The following TMEM38B variants were observed in gnomAD, a reference collection of about 807,000 sequenced individuals.
The protein encoded by TMEM38B is transmembrane protein 38B, also known as trimeric intracellular cation channel type B.
Under a neutral mutation model 28.7 loss-of-function variants are expected in TMEM38B, and 24 were observed. The observed-to-expected ratio is 0.84, with a 90% CI of 0.61 to 1.18. TMEM38B has a LOEUF of 1.18. TMEM38B is among the 50% of genes most tolerant of loss of function. The pLI, the probability that TMEM38B is intolerant of heterozygous loss-of-function variation, is 0.00. For synonymous variants in TMEM38B, 131 were observed against 127.7 expected (o/e 1.03, Z -0.17); for missense variants, 380 against 350.9 (o/e 1.08, Z -0.66).
At chr9:105,732,173 A>T (rs1836775818) in intron 4 of TMEM38B, among the ~76,000 whole-genome samples, 1 of 151,970 alleles carries the variant, frequency 6.6e-6, no homozygotes, top group Non-Finnish European at 1.5e-5. Flanking sequence ...TTTTCTTGTA[A>T]ATTTGTTTAA....
chr9:105,742,553 G>A (rs765919717), intron 4 of TMEM38B, among the ~76,000 whole-genome samples: 5 of 152,168 alleles, frequency 3.3e-5, no homozygotes, highest in Admixed American at 6.5e-5. Context: ...GTAAGCATAA[G>A]AATTTTCTAA....
intron 5 of TMEM38B, among the ~76,000 whole-genome samples, chr9:105,767,152 T>C (rs932139954): frequency 6.6e-6 from 1 of 152,008 alleles, no homozygotes; most frequent in African/African-American, 2.4e-5. Context: ...GGTTTTTTTT[T>C]TTTCCTCCAT....
intron 4 of TMEM38B, among the ~76,000 whole-genome samples, chr9:105,722,959 G>A (rs866379769): frequency 1.3e-5 from 2 of 152,036 alleles, no homozygotes; most frequent in African/African-American, 2.4e-5. Flanking sequence ...AAAATGAATC[G>A]GTGATAGGCT....
At chr9:105,722,321 C>T (rs1836346583) in intron 3 of TMEM38B, among the ~76,000 whole-genome samples, 1 of 151,998 alleles carries the variant, frequency 6.6e-6, no homozygotes, top group African/African-American at 2.4e-5. Flanking sequence ...TGCCCGAGGC[C>T]CCAGTTTTAA....
At chr9:105,717,456 ACT>A (rs895094641) in intron 2 of TMEM38B, among the ~76,000 whole-genome samples, 117 of 152,296 alleles carry the variant, frequency 7.7e-4, no homozygotes, top group African/African-American at 2.6e-3. Context: ...ACTGGGAACA[ACT>A]CTCTGTCAGC....
At chr9:105,699,510 T>C (rs1182045340) in intron 1 of TMEM38B, among the ~76,000 whole-genome samples, 5 of 152,214 alleles carry the variant, frequency 3.3e-5, no homozygotes, top group African/African-American at 9.6e-5. Flanking sequence ...TCTTTTGTAC[T>C]GTCTGCCTAG....
intron 4 of TMEM38B, among the ~76,000 whole-genome samples, chr9:105,737,526 G>A (rs1837030378): frequency 6.6e-6 from 1 of 152,154 alleles, no homozygotes; most frequent in Admixed American, 6.5e-5. Flanking sequence ...GGGCCCTGGA[G>A]GGCAAGCAGT....
chr9:105,738,607 T>C (rs1279826409), intron 4 of TMEM38B, among the ~76,000 whole-genome samples: 1 of 152,066 alleles, frequency 6.6e-6, no homozygotes, highest in East Asian at 1.9e-4. Flanking sequence ...CAATTTTTGA[T>C]GTCAAGAAGA....
intron 4 of TMEM38B, among the ~76,000 whole-genome samples, chr9:105,743,386 A>C (rs1837273503): frequency 6.6e-6 from 1 of 152,250 alleles, no homozygotes; most frequent in Non-Finnish European, 1.5e-5. Context: ...AAATAAATAA[A>C]ATAATAAAAT....
At chr9:105,762,037 G>A (rs1838072372) in intron 5 of TMEM38B, among the ~76,000 whole-genome samples, 1 of 151,850 alleles carries the variant, frequency 6.6e-6, no homozygotes, top group Non-Finnish European at 1.5e-5. Flanking sequence ...TTACTCCAAG[G>A]TTGTTTAATA....
At chr9:105,755,667 A>G (rs147925960) in intron 5 of TMEM38B, among the ~76,000 whole-genome samples, 1 of 152,352 alleles carries the variant, frequency 6.6e-6, no homozygotes, top group African/African-American at 2.4e-5. Flanking sequence ...TGCCATCTTA[A>G]CAATAAGGTT....
rs1835771489 is a variant in TMEM38B at position 105,708,686 on chromosome 9, G to A, written c.269+2933G>A. On this transcript the variant is annotated intron_variant, in intron 2 of 5. Coordinates refer to ENST00000374692, the MANE Select transcript of TMEM38B (RefSeq NM_018112.3). ...GGTATTCTTCTACCTCAATGCCTTT[G>A]TACTTTCTTTCTTCTCTTTGTAATC... Among the ~76,000 whole-genome samples, 7 of 152,130 alleles carry A rather than the reference G, an allele frequency of 4.6e-5. No individual in the cohort carries two copies. The South Asian group carries it at 1.5e-3, about 32-fold the overall frequency.
rs539678830 is a variant in TMEM38B, at chr9:105,720,956, A to G, written c.270-581A>G. Among the ~76,000 whole-genome samples, 11 of 152,308 alleles carry G rather than the reference A, an allele frequency of 7.2e-5. No homozygotes were observed. In the East Asian group the frequency reaches 1.9e-3, roughly 27 times the overall value. ...TTAAGCTTAGTGAACTAAATTAAAGAACAGCTTCATATTCTTTCAGCTGTA... is the reference window on the plus strand; with the variant it reads ...TTAAGCTTAGTGAACTAAATTAAAGGACAGCTTCATATTCTTTCAGCTGTA... On this transcript the variant is annotated intron_variant, in intron 2 of 5. Coordinates refer to ENST00000374692, the MANE Select transcript of TMEM38B (RefSeq NM_018112.3).
Position 105,774,858 on chromosome 9 carries a change from T to G in TMEM38B, c.*778T>G, listed in dbSNP as rs190125230. 1 of 152,160 alleles carries G rather than the reference T, an allele frequency of 6.6e-6. No individual in the cohort carries two copies. Among genetic ancestry groups the G allele is most frequent in the African/African-American group, 2.4e-5 (1 of 41,570 alleles). 9.4% of individuals were successfully genotyped at this position (152,160 alleles called of 1,614,324 possible). On this transcript the variant is annotated 3_prime_UTR_variant, in exon 6 of 6. Coordinates refer to ENST00000374692, the MANE Select transcript of TMEM38B (RefSeq NM_018112.3). The stretch of plus-strand genomic sequence containing the variant: ...AATCCTATGTTTTGTAATTTTCATT[T>G]TAGGAGCTTGACTTATTTTTTTCTC...
chr9:105,768,310 C>T (rs1050929295), intron 5 of TMEM38B, among the ~76,000 whole-genome samples: 6 of 152,010 alleles, frequency 3.9e-5, no homozygotes, highest in Non-Finnish European at 8.8e-5. Context: ...ATCCTTTTTG[C>T]ATATTACTGA....
chr9:105,754,396 C>T (rs562014716), intron 5 of TMEM38B, among the ~76,000 whole-genome samples: 1 of 152,258 alleles, frequency 6.6e-6, no homozygotes, highest in African/African-American at 2.4e-5. Context: ...GTAAAACACT[C>T]CTCAGCAAAT....
intron 1 of TMEM38B, chr9:105,702,589 A>T (rs929078861): frequency 1.3e-5 from 2 of 152,204 alleles, no homozygotes; most frequent in Non-Finnish European, 2.9e-5. Flanking sequence ...ATTTGGGATT[A>T]TTTTGTAGAT....
chr9:105,735,230 T>G (rs1242806492), intron 4 of TMEM38B, among the ~76,000 whole-genome samples: 1 of 152,192 alleles, frequency 6.6e-6, no homozygotes, highest in Non-Finnish European at 1.5e-5. Flanking sequence ...ATTTACTTTT[T>G]TACCTTTTGT....
chr9:105,748,785 G>A (rs904963225), intron 5 of TMEM38B, among the ~76,000 whole-genome samples: 1 of 152,128 alleles, frequency 6.6e-6, no homozygotes, highest in East Asian at 1.9e-4. Flanking sequence ...ATGTCTTTCT[G>A]TCACTGTATC....
Sources: allele counts gnomAD v4.1 joint callset (sites outside exome capture counted in the v4.1 genomes callset), GRCh38; gene constraint gnomAD v4.1.1; transcripts MANE v1.5; gene names NCBI Gene and HGNC (gene_info 2026-07-23, HGNC 2026-07-21).